The following FBXO34 variants were observed in gnomAD, a reference collection of about 807,000 sequenced individuals.
FBXO34 encodes the protein F-box only protein 34.
A neutral mutation model predicts 24.5 loss-of-function variants in FBXO34; 12 were observed. The observed-to-expected ratio is 0.49, with a 90% CI of 0.31 to 0.79. The LOEUF (loss-of-function observed/expected upper bound fraction) is 0.79. Among genes scored for constraint, FBXO34 ranks in the 30% least tolerant of loss-of-function variants. The pLI is 0.04. For synonymous variants in FBXO34, 320 were observed against 311.9 expected, an observed-to-expected ratio of 1.03 and a Z score of -0.27; for missense variants, 823 against 857.7, an observed-to-expected ratio of 0.96 and a Z score of 0.51.
the FBXO34 span, among the ~76,000 whole-genome samples, chr14:55,379,271 C>A: frequency 6.6e-6 from 1 of 152,098 alleles, no homozygotes; most frequent in African/African-American, 2.4e-5. Context: ...TGCAGTGGTT[C>A]ATGCCTGTAA....
chr14:55,281,991 C>CTTTTTTT (rs372305828), intron 1 of FBXO34, among the ~76,000 whole-genome samples: 62 of 65,128 alleles, frequency 9.5e-4, no homozygotes, highest in African/African-American at 1.9e-3. Context: ...TTAAATTTAG[C>CTTTTTTT]TTTTTTTTTT....
chr14:55,350,160 TAAAA>T (rs60811559), intron 1 of FBXO34, among the ~76,000 whole-genome samples: 1 of 139,056 alleles, frequency 7.2e-6, no homozygotes, highest in African/African-American at 2.7e-5. Flanking sequence ...TTATTTTCTG[TAAAA>T]AAAAAAAAAA....
chr14:55,352,484 C>A lies in FBXO34; in HGVS notation c.2094C>A (p.Ile698=). Residue 698 remains isoleucine, a synonymous_variant, in exon 2 of 2, where the codon ATC becomes ATA. Coordinates refer to ENST00000313833, the MANE Select transcript of FBXO34 (RefSeq NM_017943.4). ...VPACHSFNRA[I]HKKAKGTEAE... Reference sequence around the variant, plus strand: ...CCTGCCACAGCTTTAATCGGGCAATCCATAAGAAAGCAAAAGGGACTGAAG... The same window carrying A: ...CCTGCCACAGCTTTAATCGGGCAATACATAAGAAAGCAAAAGGGACTGAAG... The A allele has an allele frequency of 6.2e-7, 1 of 1,612,682 alleles. No individual in the cohort carries two copies. Among genetic ancestry groups the A allele is most frequent in the South Asian group, 1.1e-5 (1 of 90,874 alleles).
chr14:55,400,914 A>G, the FBXO34 span, among the ~76,000 whole-genome samples: 1 of 70,936 alleles, frequency 1.4e-5, no homozygotes, highest in East Asian at 3.7e-4. Flanking sequence ...ATAAATAAAT[A>G]AAATAAAATA....
the FBXO34 span, among the ~76,000 whole-genome samples, chr14:55,396,729 T>A: frequency 6.6e-6 from 1 of 152,098 alleles, no homozygotes. Context: ...GATGCAAACC[T>A]CTAGGGTGCA....
In FBXO34 at chr14:55,352,042, A is replaced by C; in HGVS notation, c.1652A>C (p.Lys551Thr). The C allele has an allele frequency of 6.2e-7, 1 of 1,614,206 alleles. No individual in the cohort carries two copies. Among genetic ancestry groups the C allele is most frequent in the Middle Eastern group, 1.6e-4 (1 of 6,062 alleles). Reference sequence around the variant, plus strand: ...CCAGTGCTTGAGGCATCCAGTTGGAAGAAGCAGGTGTCGCATGACTTCCTG... The same window carrying C: ...CCAGTGCTTGAGGCATCCAGTTGGACGAAGCAGGTGTCGCATGACTTCCTG... Reference protein sequence around the residue: ...TLPVLEASSWKKQVSHDFLET... With the variant: ...TLPVLEASSWTKQVSHDFLET... Residue 551 changes from lysine (K) to threonine (T), a missense_variant, in exon 2 of 2, where the codon AAG (lysine) becomes ACG (threonine). Lys to Thr is a moderately conservative substitution (Grantham distance 78, BLOSUM62 -1). Coordinates refer to ENST00000313833, the MANE Select transcript of FBXO34 (RefSeq NM_017943.4).
downstream of FBXO34, among the ~76,000 whole-genome samples, chr14:55,357,938 C>T (rs1481633440): frequency 1.3e-5 from 2 of 152,174 alleles, no homozygotes; most frequent in African/African-American, 2.4e-5. Context: ...GTTCCCTCTC[C>T]ACTGTGAGGC....
chr14:55,329,938 G>A (rs115863075), intron 1 of FBXO34, among the ~76,000 whole-genome samples: 1,845 of 151,304 alleles, frequency 0.012, 45 homozygotes, highest in African/African-American at 0.042. Context: ...CTGTTTTTTT[G>A]TTTCTCTACT....
chr14:55,331,991 A>G (rs1883602736), intron 1 of FBXO34, among the ~76,000 whole-genome samples: 2 of 134,122 alleles, frequency 1.5e-5, no homozygotes, highest in Non-Finnish European at 3.2e-5. Context: ...ATATATATAC[A>G]CCACCGTGGT....
At chr14:55,344,785 T>C (rs1191475385) in intron 1 of FBXO34, among the ~76,000 whole-genome samples, 1 of 151,604 alleles carries the variant, frequency 6.6e-6, no homozygotes, top group Non-Finnish European at 1.5e-5. Context: ...TGTGTTCTCA[T>C]TGTTCAACTC....
chr14:55,330,392 A>G (rs1233452553), intron 1 of FBXO34, among the ~76,000 whole-genome samples: 1 of 152,140 alleles, frequency 6.6e-6, no homozygotes, highest in East Asian at 1.9e-4. Flanking sequence ...TGGATTTGTC[A>G]TATAAATGGG....
chr14:55,381,485 C>A, the FBXO34 span, among the ~76,000 whole-genome samples: 1 of 152,074 alleles, frequency 6.6e-6, no homozygotes, highest in Non-Finnish European at 1.5e-5. Context: ...GGTGAGACAT[C>A]TAAAAAATGT....
the FBXO34 span, among the ~76,000 whole-genome samples, chr14:55,438,395 T>A: frequency 6.6e-6 from 1 of 152,204 alleles, no homozygotes; most frequent in Non-Finnish European, 1.5e-5. Flanking sequence ...TACGCTCCCA[T>A]CTTTCCCCAC....
At chr14:55,363,296 A>G (rs1041708573), downstream of FBXO34, among the ~76,000 whole-genome samples, 4 of 150,692 alleles carry the variant, frequency 2.7e-5, no homozygotes, top group Non-Finnish European at 4.4e-5. Context: ...TGGCCTCCCA[A>G]AGTGCTGGGA....
downstream of FBXO34, among the ~76,000 whole-genome samples, chr14:55,371,801 C>G (rs997194200): frequency 7.2e-5 from 11 of 152,070 alleles, no homozygotes; most frequent in African/African-American, 2.7e-4. Context: ...GAGACTCTGT[C>G]TCAAAAAACA....
the FBXO34 span, among the ~76,000 whole-genome samples, chr14:55,376,230 C>G: frequency 1.3e-5 from 2 of 152,106 alleles, no homozygotes; most frequent in African/African-American, 2.4e-5. Context: ...GGAATAATAT[C>G]CAAGGCAAGT....
chr14:55,307,317 GT>G (rs1175107156), intron 1 of FBXO34, among the ~76,000 whole-genome samples: 2 of 152,176 alleles, frequency 1.3e-5, no homozygotes, highest in African/African-American at 4.8e-5. Flanking sequence ...ACTAAAATGT[GT>G]TTGCATATTT....
chr14:55,379,381 TA>T, the FBXO34 span, among the ~76,000 whole-genome samples: 1 of 150,610 alleles, frequency 6.6e-6, no homozygotes, highest in Non-Finnish European at 1.5e-5. Context: ...TACAAAAAAA[TA>T]CAAAAAAAAA....
intron 1 of FBXO34, among the ~76,000 whole-genome samples, chr14:55,297,707 G>A (rs1265182899): frequency 6.6e-6 from 1 of 152,108 alleles, no homozygotes; most frequent in Non-Finnish European, 1.5e-5. Flanking sequence ...ATGTGTATGT[G>A]CAAATATTTT....
Sources: allele counts gnomAD v4.1 joint callset (sites outside exome capture counted in the v4.1 genomes callset), GRCh38; gene constraint gnomAD v4.1.1; transcripts MANE v1.5; gene names NCBI Gene and HGNC (gene_info 2026-07-23, HGNC 2026-07-21).